NCAM2: variants seen among roughly 807,000 people sequenced by gnomAD.
NCAM2 encodes the protein N-CAM-2.
A neutral mutation model predicts 98.1 loss-of-function variants in NCAM2; 30 were observed. That is an observed-to-expected ratio of 0.31 (90% CI 0.23 to 0.41). NCAM2 has a LOEUF of 0.41. NCAM2 is among the 10% of genes least tolerant of loss of function. The pLI is 1.00. For missense variants in NCAM2, 867 were observed against 1,005.8 expected (o/e 0.86, Z 1.87); for synonymous variants, 368 against 342.4 (o/e 1.07, Z -0.83).
intron 1 of NCAM2, among the ~76,000 whole-genome samples, chr21:21,078,738 A>T (rs560385920): frequency 6.6e-6 from 1 of 152,364 alleles, no homozygotes; most frequent in Non-Finnish European, 1.5e-5. Flanking sequence ...ATGCACATGT[A>T]TGTTTATTGC....
chr21:21,244,844 T>TAAAAAAAAAA (rs11410837), intron 1 of NCAM2, among the ~76,000 whole-genome samples: 1 of 99,942 alleles, frequency 1.0e-5, no homozygotes, highest in Admixed American at 1.2e-4. Context: ...AGACTCTGTC[T>TAAAAAAAAAA]AAAAAAAAAA....
intron 1 of NCAM2, among the ~76,000 whole-genome samples, chr21:21,014,450 A>C (rs910225316): frequency 6.6e-6 from 1 of 152,086 alleles, no homozygotes; most frequent in Non-Finnish European, 1.5e-5. Context: ...AATTATGCCA[A>C]ATCTATTCTG....
Position 21,286,334 on chromosome 21 carries a change from G to A in NCAM2, c.403G>A (p.Val135Ile). 1 of 1,612,306 alleles carries A rather than the reference G, an allele frequency of 6.2e-7. No homozygotes were observed. Among genetic ancestry groups the A allele is most frequent in the East Asian group, 2.2e-5 (1 of 44,764 alleles). The stretch of plus-strand genomic sequence containing the variant: ...CAAACAAGGAGAAGATGCAGAAGTG[G>A]TTTGCCGAGTTAGCAGTTCACCTGC... ...EFKQGEDAEV[V>I]CRVSSSPAPA... Residue 135 changes from valine (V) to isoleucine (I), a missense_variant, in exon 4 of 18, where the codon GTT becomes ATT. Coordinates refer to ENST00000400546, the MANE Select transcript of NCAM2 (RefSeq NM_004540.5).
At chr21:21,483,424 AT>A in intron 15 of NCAM2, among the ~76,000 whole-genome samples, 1 of 152,134 alleles carries the variant, frequency 6.6e-6, no homozygotes, top group East Asian at 1.9e-4. Flanking sequence ...GTTACTTTGT[AT>A]TTTCATGGGC....
chr21:21,083,286 T>C (rs985475689), intron 1 of NCAM2, among the ~76,000 whole-genome samples: 1 of 152,192 alleles, frequency 6.6e-6, no homozygotes, highest in Non-Finnish European at 1.5e-5. Context: ...ATTACTCCAT[T>C]TTATTATTAC....
Position 20,998,503 on chromosome 21 carries a change from T to G in NCAM2, c.-61T>G, listed in dbSNP as rs750488631. The G allele has an allele frequency of 1.3e-6, 2 of 1,548,188 alleles. No individual in the cohort carries two copies. The highest frequency in any genetic ancestry group is 2.7e-5 in the African/African-American group (2 of 72,974). On this transcript the variant is annotated 5_prime_UTR_variant, in exon 1 of 18. Coordinates refer to ENST00000400546, the MANE Select transcript of NCAM2 (RefSeq NM_004540.5). ...CAGAGGCGGCCGGGGCAGCGAAAGG[T>G]TCTCTCTCCAGGGCTGGACTTAATA...
intron 12 of NCAM2, among the ~76,000 whole-genome samples, chr21:21,453,522 C>T (rs78184716): frequency 0.054 from 8,252 of 151,952 alleles, 293 homozygotes; most frequent in African/African-American, 0.089. Flanking sequence ...TTGAAAATCT[C>T]GTAAGTAATT....
intron 1 of NCAM2, among the ~76,000 whole-genome samples, chr21:21,023,838 C>T: frequency 6.6e-6 from 1 of 151,904 alleles, no homozygotes; most frequent in East Asian, 1.9e-4. Context: ...TCATTCATAT[C>T]TAATTTTTTA....
chr21:21,498,828 A>T (rs903102686), intron 15 of NCAM2, among the ~76,000 whole-genome samples: 1 of 152,220 alleles, frequency 6.6e-6, no homozygotes, highest in Non-Finnish European at 1.5e-5. Context: ...CAAAATAATA[A>T]TACAATAAAT....
intron 9 of NCAM2, among the ~76,000 whole-genome samples, chr21:21,384,988 C>A (rs966138242): frequency 1.3e-5 from 2 of 151,834 alleles, no homozygotes; most frequent in African/African-American, 2.4e-5. Flanking sequence ...TCCTTTTAAG[C>A]CTGTATGATT....
intron 5 of NCAM2, among the ~76,000 whole-genome samples, chr21:21,299,085 A>G (rs768381000): frequency 1.1e-4 from 16 of 151,718 alleles, no homozygotes; most frequent in Non-Finnish European, 2.1e-4. Context: ...CATTTCATAG[A>G]ATCAATCAGT....
intron 1 of NCAM2, among the ~76,000 whole-genome samples, chr21:21,009,334 T>C (rs965532962): frequency 2.9e-4 from 44 of 152,244 alleles, no homozygotes; most frequent in Admixed American, 2.0e-3. Flanking sequence ...CTTCCATAAA[T>C]ATATGAACGT....
At chr21:21,331,194 G>T (rs1464060800) in intron 6 of NCAM2, among the ~76,000 whole-genome samples, 2 of 151,788 alleles carry the variant, frequency 1.3e-5, no homozygotes, top group African/African-American at 4.8e-5. Flanking sequence ...CACCTGGGCA[G>T]GAGTGCAGTG....
At chr21:21,319,902 T>G (rs2074330131) in intron 5 of NCAM2, among the ~76,000 whole-genome samples, 2 of 152,194 alleles carry the variant, frequency 1.3e-5, no homozygotes, top group African/African-American at 2.4e-5. Flanking sequence ...CTTATTTGAT[T>G]AAACTGCTGA....
chr21:21,457,387 A>G (rs1379374418), intron 12 of NCAM2, among the ~76,000 whole-genome samples: 1 of 152,184 alleles, frequency 6.6e-6, no homozygotes, highest in African/African-American at 2.4e-5. Context: ...CACGCTTGTC[A>G]TCCCAGCACT....
chr21:21,416,574 A>G (rs889265444), intron 10 of NCAM2, among the ~76,000 whole-genome samples: 1 of 152,114 alleles, frequency 6.6e-6, no homozygotes, highest in Non-Finnish European at 1.5e-5. Flanking sequence ...AGGTATGCCT[A>G]TATTTAAATA....
intron 9 of NCAM2, among the ~76,000 whole-genome samples, chr21:21,408,129 C>T (rs1313622953): frequency 1.3e-5 from 2 of 152,142 alleles, no homozygotes; most frequent in Non-Finnish European, 2.9e-5. Flanking sequence ...TAGATGCTTC[C>T]ATTGCCTAAT....
At chr21:21,299,433 C>A (rs1472068563) in intron 5 of NCAM2, among the ~76,000 whole-genome samples, 2 of 151,696 alleles carry the variant, frequency 1.3e-5, no homozygotes, top group Admixed American at 6.6e-5. Flanking sequence ...ATGAAATAAC[C>A]ACTCAGTTAT....
At chr21:21,393,609 G>A (rs1302806526) in intron 9 of NCAM2, among the ~76,000 whole-genome samples, 2 of 151,906 alleles carry the variant, frequency 1.3e-5, no homozygotes, top group Non-Finnish European at 2.9e-5. Context: ...GGTTTGTTTT[G>A]AAAGGCAAAT....
Sources: gnomAD v4.1 joint callset for allele counts (sites outside exome capture counted in the v4.1 genomes callset) on GRCh38, gnomAD v4.1.1 for gene constraint, MANE v1.5 for transcripts, NCBI Gene and HGNC (gene_info 2026-07-23, HGNC 2026-07-21) for gene names.